Variants in C1GALT1 observed in about 807,000 individuals in gnomAD.
C1GALT1 encodes glycoprotein-N-acetylgalactosamine 3-beta-galactosyltransferase 1.
Under a neutral mutation model 31.0 loss-of-function variants are expected in C1GALT1, and 11 were observed. The observed-to-expected ratio is 0.36, with a 90% confidence interval of 0.22 to 0.59. C1GALT1 has a LOEUF of 0.59. Ranked by LOEUF, C1GALT1 falls within the 20% of genes least tolerant of loss-of-function variation. The probability of loss-of-function intolerance (pLI) is 0.79; values close to 1 mark genes in which losing one functional copy is unlikely to be tolerated. For missense variants in C1GALT1, 424 were observed against 425.2 expected (o/e 1.00, Z 0.03); for synonymous variants, 175 against 143.6 (o/e 1.22, Z -1.56).
At chr7:7,180,454 T>A (rs1303580944), upstream of C1GALT1, among the ~76,000 whole-genome samples, 1 of 152,242 alleles carries the variant, frequency 6.6e-6, no homozygotes, top group Non-Finnish European at 1.5e-5. Context: ...GTTGGATAAA[T>A]GATGGTATAT....
chr7:7,197,892 T>G (rs1781368232), intron 1 of C1GALT1, among the ~76,000 whole-genome samples: 1 of 152,226 alleles, frequency 6.6e-6, no homozygotes, highest in Non-Finnish European at 1.5e-5. Flanking sequence ...TGATTTTGTA[T>G]CCTGAGACTT....
rs1305381080 is a variant in C1GALT1, at chr7:7,245,124, GATT to G, written c.*1401_*1403del. 1.3e-5 allele frequency: 2 copies of G among 152,284 alleles called. No homozygotes were observed. Among genetic ancestry groups the G allele is most frequent in the South Asian group, 4.1e-4 (2 of 4,830 alleles). 9.4% of individuals were successfully genotyped at this position (152,284 alleles called of 1,614,324 possible). ...AGAATATTTTACAGACTTTCTATGA[GATT>G]ATTTTTATGGTACAAAGTATTTACA... On this transcript the variant is annotated 3_prime_UTR_variant, in exon 4 of 4. Transcript: ENST00000436587.
intron 2 of C1GALT1, chr7:7,234,887 C>T (rs1583830107): frequency 6.2e-6 from 1 of 161,996 alleles, no homozygotes; most frequent in East Asian, 1.8e-4. Flanking sequence ...TTGCTTAAGT[C>T]TTGTTTTCCT....
At chr7:7,182,882 C>T (rs1439104455) in intron 1 of C1GALT1, 62 bp downstream of exon 1, 2 of 979,584 alleles carry the variant, frequency 2.0e-6, no homozygotes, top group Non-Finnish European at 2.4e-6. Context: ...CTCGCCCTCC[C>T]CCCTCTCCGG....
chr7:7,243,780 G>A lies in C1GALT1; in HGVS notation c.*53G>A, dbSNP rs1255532687. 7.6e-7 allele frequency: 1 copy of A among 1,314,826 alleles called. No individual in the cohort carries two copies. Among genetic ancestry groups the A allele is most frequent in the Non-Finnish European group, 1.0e-6 (1 of 962,700 alleles). 81.4% of individuals were successfully genotyped at this position (1,314,826 alleles called of 1,614,324 possible). Reference sequence around the variant, plus strand: ...TATGTCTAGCACTGCACTGAAAAAGGACTTCTGCATTTCTGACATAGAACA... The same window carrying A: ...TATGTCTAGCACTGCACTGAAAAAGAACTTCTGCATTTCTGACATAGAACA... On this transcript the variant is annotated 3_prime_UTR_variant, in exon 4 of 4. Transcript: ENST00000436587.
intron 3 of C1GALT1, among the ~76,000 whole-genome samples, chr7:7,239,837 T>A (rs1450212473): frequency 6.6e-6 from 1 of 152,226 alleles, no homozygotes; most frequent in African/African-American, 2.4e-5. Flanking sequence ...TTTAAATAAA[T>A]ATCTTTCTAC....
intron 1 of C1GALT1, among the ~76,000 whole-genome samples, chr7:7,229,191 G>C (rs1782946506): frequency 6.6e-6 from 1 of 152,202 alleles, no homozygotes; most frequent in South Asian, 2.1e-4. Context: ...CTCTGCAGCA[G>C]TAAAATACTG....
At chr7:7,199,345 G>A (rs562617487) in intron 1 of C1GALT1, among the ~76,000 whole-genome samples, 4 of 152,286 alleles carry the variant, frequency 2.6e-5, no homozygotes, top group African/African-American at 7.2e-5. Flanking sequence ...TAGGTGAGCG[G>A]TTTTGAGTGA....
upstream of C1GALT1, among the ~76,000 whole-genome samples, chr7:7,181,266 G>C (rs1359115494): frequency 6.6e-6 from 1 of 151,984 alleles, no homozygotes; most frequent in Non-Finnish European, 1.5e-5. Context: ...TTGCGGAAAG[G>C]TGGAGGGGGA....
At chr7:7,202,837 A>G (rs533572249) in intron 1 of C1GALT1, among the ~76,000 whole-genome samples, 4 of 152,148 alleles carry the variant, frequency 2.6e-5, no homozygotes, top group Non-Finnish European at 5.9e-5. Flanking sequence ...TAACAATATT[A>G]AGTTTTCTAA....
intron 1 of C1GALT1, among the ~76,000 whole-genome samples, chr7:7,187,257 T>A (rs1437048112): frequency 6.6e-6 from 1 of 151,904 alleles, no homozygotes; most frequent in Admixed American, 6.6e-5. Flanking sequence ...TCCTGAGATT[T>A]TTTTTTTTTT....
intron 1 of C1GALT1, among the ~76,000 whole-genome samples, chr7:7,217,019 G>C (rs1190362785): frequency 6.6e-6 from 1 of 152,130 alleles, no homozygotes; most frequent in Non-Finnish European, 1.5e-5. Flanking sequence ...GATAAAAAGA[G>C]AAAATTTGGC....
intron 1 of C1GALT1, among the ~76,000 whole-genome samples, chr7:7,219,639 C>G (rs12702595): frequency 6.6e-6 from 1 of 151,970 alleles, no homozygotes; most frequent in Non-Finnish European, 1.5e-5. Context: ...CCTAAGATTA[C>G]TTTTTGAGAG....
intron 2 of C1GALT1, among the ~76,000 whole-genome samples, chr7:7,161,679 TTAGTAAA>T (rs1780335101): frequency 6.6e-6 from 1 of 152,080 alleles, no homozygotes; most frequent in African/African-American, 2.4e-5. Context: ...TAGATAGTAG[TTAGTAAA>T]TAGTAGAGCC....
chr7:7,199,789 A>G (rs1161837658), intron 1 of C1GALT1, among the ~76,000 whole-genome samples: 1 of 152,218 alleles, frequency 6.6e-6, no homozygotes, highest in Admixed American at 6.5e-5. Flanking sequence ...CTGTACCATT[A>G]TGTAATGGCC....
chr7:7,205,847 T>C, intron 1 of C1GALT1, among the ~76,000 whole-genome samples: 1 of 152,234 alleles, frequency 6.6e-6, no homozygotes, highest in Non-Finnish European at 1.5e-5. Flanking sequence ...TGGATGATGT[T>C]TATCAATTCT....
intron 1 of C1GALT1, among the ~76,000 whole-genome samples, chr7:7,215,288 C>G (rs1348539113): frequency 7.2e-5 from 11 of 152,120 alleles, no homozygotes; most frequent in Admixed American, 4.6e-4. Flanking sequence ...GCAAAGCACA[C>G]CAGATTGTTT....
At chr7:7,211,437 A>G (rs954477681) in intron 1 of C1GALT1, among the ~76,000 whole-genome samples, 8 of 152,222 alleles carry the variant, frequency 5.3e-5, no homozygotes, top group African/African-American at 1.7e-4. Context: ...AGACTCAGTG[A>G]TAGTAAAACT....
intron 1 of C1GALT1, among the ~76,000 whole-genome samples, chr7:7,217,359 C>T (rs1782293604): frequency 6.6e-6 from 1 of 151,152 alleles, no homozygotes; most frequent in South Asian, 2.1e-4. Flanking sequence ...ATTCCCCTAC[C>T]TGCCCCCACC....
Sources: allele counts gnomAD v4.1 joint callset (sites outside exome capture counted in the v4.1 genomes callset), GRCh38; gene constraint gnomAD v4.1.1; transcripts MANE v1.5; gene names NCBI Gene and HGNC (gene_info 2026-07-23, HGNC 2026-07-21).